The following USP42 variants were observed in gnomAD, a reference collection of about 807,000 sequenced individuals.
The protein encoded by USP42 is ubiquitin carboxyl-terminal hydrolase 42.
USP42 carries 23 observed loss-of-function variants against 113.0 expected under a neutral mutation model. The ratio of observed to expected loss-of-function variants is 0.20; its 90% CI spans 0.15 to 0.29. The LOEUF is 0.29. Among genes scored for constraint, USP42 ranks in the 10% least tolerant of loss-of-function variants. The pLI, the probability that USP42 is intolerant of heterozygous loss-of-function variation, is 1.00. For synonymous variants in USP42, 933 were observed against 699.0 expected (o/e 1.33, Z -5.28); for missense variants, 2,174 against 1,779.8 (o/e 1.22, Z -3.99).
rs1157711030 is a variant in USP42 at position 6,139,333 on chromosome 7, C to T, written c.656+139C>T. ...TTTACCTTTTGGCTTTGCTCTGCCT[C>T]TTCCTTAGGTGATGTGCATTATTTT... On this transcript the variant is annotated intron_variant, in intron 5 of 17. Transcript: ENST00000306177. The surrounding 1 kb of genome is among the most constrained non-coding windows in gnomAD (Gnocchi z 4.5). 5.5e-5 allele frequency: 33 copies of T among 596,036 alleles called. No homozygotes were observed. Among genetic ancestry groups the T allele is most frequent in the Non-Finnish European group, 2.8e-6 (1 of 357,588 alleles). 36.9% of individuals were successfully genotyped at this position (596,036 alleles called of 1,614,324 possible).
intron 3 of USP42, among the ~76,000 whole-genome samples, chr7:6,121,618 G>A (rs1780230239): frequency 1.3e-5 from 2 of 152,142 alleles, no homozygotes; most frequent in South Asian, 4.1e-4. Context: ...GAAGCCATCT[G>A]GACCTTGCAG....
In USP42 at chr7:6,153,949, G is replaced by T; in HGVS notation, c.2395G>T (p.Glu799Ter). ...GAWEAMAVAP[E>*]EPPPSAGEDI... ...CTGGGAGGCCATGGCCGTCGCCCCCGAGGAGCCTCCGCCCAGCGCCGGCGA... is the reference window on the plus strand; with the variant it reads ...CTGGGAGGCCATGGCCGTCGCCCCCTAGGAGCCTCCGCCCAGCGCCGGCGA... Residue 799 changes from glutamate to a stop codon, truncating the protein, a stop_gained, in exon 15 of 18, where the codon GAG becomes TAG. Coordinates refer to ENST00000306177, the MANE Select transcript of USP42 (RefSeq NM_032172.3). LOFTEE classifies it high-confidence loss of function. 1 of 1,597,692 alleles carries T rather than the reference G, an allele frequency of 6.3e-7. No homozygotes were observed.
intron 3 of USP42, among the ~76,000 whole-genome samples, chr7:6,133,767 G>C (rs1311246607): frequency 1.3e-5 from 2 of 152,152 alleles, no homozygotes; most frequent in South Asian, 4.1e-4. Context: ...TGGTCCGCCT[G>C]CCTCAGCCTC....
Position 6,154,365 on chromosome 7 carries a change from A to T in USP42, c.2811A>T (p.Pro937=). 1 of 1,575,124 alleles carries T rather than the reference A, an allele frequency of 6.3e-7. No individual in the cohort carries two copies. The highest frequency in any genetic ancestry group is 1.2e-5 in the South Asian group (1 of 86,088). The change falls in exon 15 of 18, where the codon CCA becomes CCT. Residue 937 remains proline, a synonymous_variant. Coordinates refer to ENST00000306177, the MANE Select transcript of USP42 (RefSeq NM_032172.3). ...AAAPKAPGPS[P]AKEKIGSLRK... ...CGCCGAAAGCCCCAGGCCCTTCCCC[A>T]GCGAAGGAGAAAATCGGCAGCCTCA...
At chr7:6,144,750 A>G (rs989377795) in intron 9 of USP42, among the ~76,000 whole-genome samples, 1 of 151,806 alleles carries the variant, frequency 6.6e-6, no homozygotes, top group Non-Finnish European at 1.5e-5. Flanking sequence ...GGCACTTGTA[A>G]TCCTAGCTAC....
chr7:6,148,030 C>A, intron 12 of USP42, 138 bp downstream of exon 12: 1 of 958,368 alleles, frequency 1.0e-6, no homozygotes, highest in East Asian at 2.7e-5. Context: ...AACCCTCTTA[C>A]ACAGTATTTC....
At chr7:6,131,723 C>G (rs748566848) in intron 3 of USP42, among the ~76,000 whole-genome samples, 5 of 152,136 alleles carry the variant, frequency 3.3e-5, no homozygotes, top group Non-Finnish European at 5.9e-5. Context: ...AGGAAACTCA[C>G]CACCATGTCT....
intron 2 of USP42, among the ~76,000 whole-genome samples, chr7:6,112,731 G>C (rs1779664222): frequency 6.6e-6 from 1 of 151,892 alleles, no homozygotes; most frequent in African/African-American, 2.4e-5. Context: ...GTTTTTTTGA[G>C]ATTTTTTTTT....
At chr7:6,100,549 C>G (rs912379910), upstream of USP42, among the ~76,000 whole-genome samples, 1 of 149,870 alleles carries the variant, frequency 6.7e-6, no homozygotes, top group Admixed American at 6.6e-5. Flanking sequence ...AGGCTTGTCT[C>G]GAACTCCTGA....
At chr7:6,086,340 G>T in the USP42 span, among the ~76,000 whole-genome samples, 1 of 150,258 alleles carries the variant, frequency 6.7e-6, no homozygotes, top group Non-Finnish European at 1.5e-5. Flanking sequence ...AGAGTAGCTG[G>T]GACTACAGGT....
chr7:6,098,617 T>A, the USP42 span, among the ~76,000 whole-genome samples: 4 of 150,396 alleles, frequency 2.7e-5, no homozygotes, highest in Admixed American at 2.6e-4. Flanking sequence ...AGTGGCATGA[T>A]CTCAGCTCAC....
chr7:6,130,793 C>T (rs947678039), intron 3 of USP42, among the ~76,000 whole-genome samples: 2 of 152,034 alleles, frequency 1.3e-5, no homozygotes, highest in African/African-American at 4.8e-5. Context: ...CTCAGGAAGA[C>T]AAAGATTTTA....
Position 6,149,928 on chromosome 7 carries a change from G to A in USP42, c.1732G>A (p.Val578Ile). The A allele has an allele frequency of 1.9e-6, 3 of 1,614,018 alleles. No individual in the cohort carries two copies. The highest frequency in any genetic ancestry group is 1.7e-6 in the Non-Finnish European group (2 of 1,179,910). The change falls in exon 13 of 18, where the codon GTA becomes ATA. Residue 578 changes from valine (V) to isoleucine (I), a missense_variant. Coordinates refer to ENST00000306177, the MANE Select transcript of USP42 (RefSeq NM_032172.3). ...ATCTACGATGTCAGTTTCTAGTAAA[G>A]TAACAAAACCGATCCCCCGCAGTGA... ...NASTMSVSSK[V>I]TKPIPRSESC... is the part of the protein sequence containing the mutation.
At chr7:6,125,695 T>C (rs1311164953) in intron 3 of USP42, among the ~76,000 whole-genome samples, 2 of 152,226 alleles carry the variant, frequency 1.3e-5, no homozygotes, top group Non-Finnish European at 2.9e-5. Flanking sequence ...TTTACTGTTT[T>C]CACTGCTTTT....
At chr7:6,135,695 T>C in intron 3 of USP42, 146 bp from the exon 4 acceptor site, 1 of 260,456 alleles carries the variant, frequency 3.8e-6, no homozygotes, top group East Asian at 6.3e-5. Flanking sequence ...AAAAAGTAAA[T>C]GAAAATGCAT....
At chr7:6,109,060 C>T (rs567658032) in intron 1 of USP42, among the ~76,000 whole-genome samples, 1 of 152,278 alleles carries the variant, frequency 6.6e-6, no homozygotes, top group South Asian at 2.1e-4. Flanking sequence ...GCACAGGGTG[C>T]TGTGGGGGCC....
Position 6,149,846 on chromosome 7 carries a change from C to G in USP42, c.1650C>G (p.Thr550=), listed in dbSNP as rs1405577307. The G allele has an allele frequency of 6.2e-7, 1 of 1,614,010 alleles. No individual in the cohort carries two copies. The highest frequency in any genetic ancestry group is 2.2e-5 in the East Asian group (1 of 44,886). ...NLHSNSLENP[T]KPVPSSTITN... ...ATAGTAATTCTTTGGAGAACCCTACCAAGCCCGTTCCCTCTTCTACCATTA... is the reference window on the plus strand; with the variant it reads ...ATAGTAATTCTTTGGAGAACCCTACGAAGCCCGTTCCCTCTTCTACCATTA... The change falls in exon 13 of 18, where the codon ACC becomes ACG. Residue 550 remains threonine (T), a synonymous_variant. Transcript: ENST00000306177.
At chr7:6,143,961 C>T (rs1781569059) in intron 8 of USP42, 124 bp from the exon 9 acceptor site, 4 of 544,652 alleles carry the variant, frequency 7.3e-6, no homozygotes, top group Non-Finnish European at 6.2e-6. Context: ...TGGTGGTTCT[C>T]ATCCAGTGTC....
At chr7:6,085,618 A>ATTTT in the USP42 span, among the ~76,000 whole-genome samples, 1 of 135,720 alleles carries the variant, frequency 7.4e-6, no homozygotes, top group African/African-American at 3.0e-5. Flanking sequence ...ATATATATAT[A>ATTTT]TATATATTTT....
Sources: allele counts gnomAD v4.1 joint callset (sites outside exome capture counted in the v4.1 genomes callset), GRCh38; gene constraint gnomAD v4.1.1; non-coding constraint Gnocchi (gnomAD v3.1); transcripts MANE v1.5; gene names NCBI Gene and HGNC (gene_info 2026-07-23, HGNC 2026-07-21).